The following TNR variants were observed in gnomAD, a reference collection of about 807,000 sequenced individuals.
TNR encodes the protein tenascin R.
Under a neutral mutation model 150.4 loss-of-function variants are expected in TNR, and 45 were observed. That is an observed-to-expected ratio of 0.30 (90% CI 0.24 to 0.38). The LOEUF (loss-of-function observed/expected upper bound fraction) is 0.38. Among genes scored for constraint, TNR ranks in the 10% least tolerant of loss-of-function variants. The probability of loss-of-function intolerance (pLI) is 1.00; values close to 1 mark genes in which losing one functional copy is unlikely to be tolerated. For missense variants in TNR, 1,544 were observed against 1,759.1 expected, an observed-to-expected ratio of 0.88 and a Z score of 2.19; for synonymous variants, 687 against 678.4, an observed-to-expected ratio of 1.01 and a Z score of -0.20.
chr1:175,508,996 C>T (rs1419833502), intron 2 of TNR, among the ~76,000 whole-genome samples: 1 of 152,228 alleles, frequency 6.6e-6, no homozygotes, highest in East Asian at 1.9e-4. Flanking sequence ...CTAGTCAGCC[C>T]TCTCCTCAGA....
intron 1 of TNR, among the ~76,000 whole-genome samples, chr1:175,572,979 T>G (rs1241161991): frequency 1.3e-5 from 2 of 152,242 alleles, no homozygotes; most frequent in Admixed American, 6.5e-5. Context: ...AGGCTTAATT[T>G]TAATAGCTTA....
intron 2 of TNR, among the ~76,000 whole-genome samples, chr1:175,492,209 GTTTGT>G (rs1658291086): frequency 1.3e-5 from 2 of 152,298 alleles, no homozygotes; most frequent in South Asian, 4.1e-4. Flanking sequence ...GAAAGCCCAA[GTTTGT>G]TTTGTCTATT....
At chr1:175,652,756 C>A (rs1558056002) in intron 1 of TNR, among the ~76,000 whole-genome samples, 1 of 152,138 alleles carries the variant, frequency 6.6e-6, no homozygotes, top group Non-Finnish European at 1.5e-5. Flanking sequence ...GTTCAGCCTG[C>A]AGAACTGTGA....
intron 6 of TNR, among the ~76,000 whole-genome samples, chr1:175,393,185 T>G (rs1653259066): frequency 6.6e-6 from 1 of 152,298 alleles, no homozygotes. Flanking sequence ...AATAAAATAC[T>G]GCTTTAGAGA....
intron 1 of TNR, among the ~76,000 whole-genome samples, chr1:175,626,848 T>C (rs190543404): frequency 6.6e-6 from 1 of 152,246 alleles, no homozygotes; most frequent in East Asian, 1.9e-4. Flanking sequence ...ATTATCCAGG[T>C]GAAGCCTCAA....
chr1:175,496,597 T>C (rs1658498180), intron 2 of TNR, among the ~76,000 whole-genome samples: 1 of 152,190 alleles, frequency 6.6e-6, no homozygotes, highest in East Asian at 1.9e-4. Context: ...TGCCAGGCAC[T>C]GGCCAAGGCA....
At chr1:175,612,610 C>A (rs1663632836) in intron 1 of TNR, among the ~76,000 whole-genome samples, 1 of 152,186 alleles carries the variant, frequency 6.6e-6, no homozygotes, top group African/African-American at 2.4e-5. Context: ...AAACCCCCCA[C>A]TTTTCTTCAC....
chr1:175,331,143 C>CT lies in TNR; in HGVS notation c.3632-909dup, dbSNP rs1377007258. Among the ~76,000 whole-genome samples the CT allele has an allele frequency of 2.5e-3, 320 of 128,888 alleles. 5 individuals are homozygous for CT. Among genetic ancestry groups the CT allele is most frequent in the African/African-American group, 8.2e-3 (288 of 35,146 alleles). 84.6% of individuals were successfully genotyped at this position (128,888 alleles called of 152,430 possible). ...CTTTCTTTCTTTCTTTTCTTTCTTT[C>CT]TTCCTTTCTTTCTTTTTCTTTCCTT... On this transcript the variant is annotated intron_variant, in intron 20 of 22. Transcript: ENST00000367674.
chr1:175,469,330 C>G (rs1037084537), intron 2 of TNR, among the ~76,000 whole-genome samples: 2 of 152,114 alleles, frequency 1.3e-5, no homozygotes, highest in Non-Finnish European at 2.9e-5. Context: ...AAGAGAGACC[C>G]AATTGCTGTA....
At chr1:175,668,651 A>G (rs1665601647) in intron 1 of TNR, among the ~76,000 whole-genome samples, 1 of 152,234 alleles carries the variant, frequency 6.6e-6, no homozygotes, top group Non-Finnish European at 1.5e-5. Context: ...CACAGCTGTA[A>G]TGAGCATAAG....
intron 2 of TNR, among the ~76,000 whole-genome samples, chr1:175,480,107 C>T (rs577168319): frequency 1.6e-3 from 240 of 152,122 alleles, no homozygotes; most frequent in South Asian, 2.5e-3. Flanking sequence ...TCAGAACTGA[C>T]GGTGACCTAA....
At chr1:175,393,421 C>T (rs932062678) in intron 6 of TNR, among the ~76,000 whole-genome samples, 1 of 152,164 alleles carries the variant, frequency 6.6e-6, no homozygotes, top group East Asian at 1.9e-4. Flanking sequence ...CCTGGCTTTT[C>T]TTATGTCCTA....
At chr1:175,503,274 A>G (rs1348594272) in intron 2 of TNR, among the ~76,000 whole-genome samples, 2 of 152,356 alleles carry the variant, frequency 1.3e-5, no homozygotes, top group African/African-American at 4.8e-5. Context: ...AACCAAGGAC[A>G]GGGCTTATGC....
chr1:175,346,096 A>C (rs904681139), intron 18 of TNR, among the ~76,000 whole-genome samples: 1 of 152,202 alleles, frequency 6.6e-6, no homozygotes, highest in South Asian at 2.1e-4. Flanking sequence ...ATTTCAATGT[A>C]TGAAAAAAAC....
At chr1:175,339,513 C>T (rs1473081872) in intron 18 of TNR, among the ~76,000 whole-genome samples, 1 of 152,192 alleles carries the variant, frequency 6.6e-6, no homozygotes, top group Non-Finnish European at 1.5e-5. Context: ...TCTCTGTCTC[C>T]TTCCCTGCTG....
At chr1:175,366,634 G>A (rs951192279) in intron 10 of TNR, among the ~76,000 whole-genome samples, 58 of 152,230 alleles carry the variant, frequency 3.8e-4, no homozygotes, top group Non-Finnish European at 6.5e-4. Context: ...GCTGAACCTT[G>A]GGACAAGGAC....
intron 2 of TNR, among the ~76,000 whole-genome samples, chr1:175,492,343 G>C (rs1353983882): frequency 1.3e-5 from 2 of 152,206 alleles, no homozygotes; most frequent in Non-Finnish European, 2.9e-5. Flanking sequence ...ATACAGCTGT[G>C]CACATCTGGC....
At chr1:175,638,697 C>G (rs1664558985) in intron 1 of TNR, among the ~76,000 whole-genome samples, 1 of 152,086 alleles carries the variant, frequency 6.6e-6, no homozygotes, top group Non-Finnish European at 1.5e-5. Flanking sequence ...CCACAGGATC[C>G]CTCCCATGAT....
chr1:175,696,217 GTTTTTTTT>G (rs5778870), intron 1 of TNR, among the ~76,000 whole-genome samples: 685 of 40,438 alleles, frequency 0.017, 7 homozygotes, highest in African/African-American at 0.05. Context: ...CCTTCCTGTA[GTTTTTTTT>G]TTTTTTTTTT....
Sources: allele counts gnomAD v4.1 joint callset (sites outside exome capture counted in the v4.1 genomes callset), GRCh38; gene constraint gnomAD v4.1.1; transcripts MANE v1.5; gene names NCBI Gene and HGNC (gene_info 2026-07-23, HGNC 2026-07-21).